EMSY: variants seen among roughly 807,000 people sequenced by gnomAD.
The protein encoded by EMSY is BRCA2-interacting transcriptional repressor EMSY.
In EMSY, 26 loss-of-function variants were observed where a neutral mutation model predicts 134.6. That is an observed-to-expected ratio of 0.19 (90% CI 0.14 to 0.27). EMSY has a LOEUF of 0.27. Ranked by LOEUF, EMSY falls within the 10% of genes least tolerant of loss-of-function variation. The pLI, the probability that EMSY is intolerant of heterozygous loss-of-function variation, is 1.00. For synonymous variants in EMSY, 579 were observed against 577.8 expected (o/e 1.00, Z -0.03); for missense variants, 1,305 against 1,611.4 (o/e 0.81, Z 3.26).
At chr11:76,524,866 T>A (rs1018016560) in intron 12 of EMSY, among the ~76,000 whole-genome samples, 56 of 152,218 alleles carry the variant, frequency 3.7e-4, no homozygotes, top group African/African-American at 1.3e-3. Flanking sequence ...TCTACAAAAT[T>A]ACAAAAATTA....
intron 9 of EMSY, among the ~76,000 whole-genome samples, chr11:76,507,835 G>T (rs553256470): frequency 1.1e-5 from 1 of 94,012 alleles, no homozygotes; most frequent in South Asian, 4.9e-4. Flanking sequence ...CTTACAAAAT[G>T]CATTTTTTTT....
At chr11:76,459,814 G>T in intron 5 of EMSY, 119 bp from the exon 7 acceptor site, 1 of 1,108,680 alleles carries the variant, frequency 9.0e-7, no homozygotes, top group Non-Finnish European at 1.3e-6. Context: ...ACCTAGTACT[G>T]GCCTCTGACT....
At chr11:76,449,273 G>A (rs1197113979) in intron 2 of EMSY, among the ~76,000 whole-genome samples, 1 of 152,106 alleles carries the variant, frequency 6.6e-6, no homozygotes, top group African/African-American at 2.4e-5. Context: ...AAGGAGGTTG[G>A]GAAGCTAATA....
At chr11:76,496,340 T>C in exon 9 of EMSY, 1 of 1,614,162 alleles carries the variant, frequency 6.2e-7, no homozygotes, top group Non-Finnish European at 8.5e-7. Context: ...TAAGCAGCAG[T>C]TATATCAAGT....
At chr11:76,477,400 T>G (rs1222295307) in intron 8 of EMSY, among the ~76,000 whole-genome samples, 2 of 151,904 alleles carry the variant, frequency 1.3e-5, no homozygotes, top group South Asian at 4.1e-4. Context: ...AGGTATGTTC[T>G]GAGAAGTCTG....
At chr11:76,446,153 T>C (rs1947380631) in intron 1 of EMSY, among the ~76,000 whole-genome samples, 1 of 152,022 alleles carries the variant, frequency 6.6e-6, no homozygotes, top group Non-Finnish European at 1.5e-5. Flanking sequence ...GCTAAGCAGG[T>C]ATTGCGCGTG....
chr11:76,539,705 G>A (rs1010095823), intron 17 of EMSY, 65 bp downstream of exon 18: 45 of 1,463,790 alleles, frequency 3.1e-5, no homozygotes, highest in South Asian at 1.7e-4. Context: ...GGGGGGAACC[G>A]CTTAAATGGA....
In EMSY at chr11:76,541,716, T is replaced by G. The variant is rs1362600171; in HGVS notation, c.2558-500T>G. ...TGTAAGGTTGTGAGACAGAATCACT[T>G]AATACAAAGGAGTGAATGCTACTAA... On this transcript the variant is annotated intron_variant, in intron 17 of 20. Coordinates refer to ENST00000334736, the Ensembl canonical transcript of EMSY. Among the ~76,000 whole-genome samples the G allele has an allele frequency of 9.8e-5, 15 of 152,352 alleles. 1 individual carries two copies. The highest frequency in any genetic ancestry group is 1.9e-4 in the Non-Finnish European group (13 of 68,032).
At chr11:76,503,496 G>T (rs749337152) in intron 9 of EMSY, among the ~76,000 whole-genome samples, 3 of 152,044 alleles carry the variant, frequency 2.0e-5, no homozygotes, top group Non-Finnish European at 4.4e-5. Context: ...AAGATGCCAA[G>T]ATCATTCAAT....
At chr11:76,532,703 G>A (rs1951088205) in intron 14 of EMSY, among the ~76,000 whole-genome samples, 2 of 152,102 alleles carry the variant, frequency 1.3e-5, no homozygotes, top group South Asian at 4.1e-4. Context: ...AAGTGAAGTG[G>A]AAGAAAACAA....
intron 8 of EMSY, among the ~76,000 whole-genome samples, chr11:76,482,358 A>G (rs1454318360): frequency 6.6e-6 from 1 of 152,200 alleles, no homozygotes; most frequent in African/African-American, 2.4e-5. Context: ...AAAGGATCAT[A>G]ACTCCTTGCC....
intron 9 of EMSY, among the ~76,000 whole-genome samples, chr11:76,505,671 C>G (rs894334307): frequency 1.3e-5 from 2 of 151,422 alleles, no homozygotes; most frequent in African/African-American, 4.9e-5. Context: ...TCCTGGCTAA[C>G]ACGGTGAAAC....
rs540615311 is a variant in EMSY at position 76,481,313 on chromosome 11, T to G, written c.1108+8473T>G. On this transcript the variant is annotated intron_variant, in intron 8 of 20. Transcript: ENST00000334736. ...CCACCTTGGCCTTCCAAAGTGCTGG[T>G]ATTACAGGCATGAGCCACCACGCCC... is the stretch of plus-strand genomic sequence containing the variant. Among the ~76,000 whole-genome samples the G allele has an allele frequency of 2.6e-5, 4 of 152,100 alleles. No homozygotes were observed. The South Asian group carries it at 6.2e-4, about 24-fold the overall frequency.
intron 20 of EMSY, among the ~76,000 whole-genome samples, chr11:76,549,356 A>G (rs1245534022): frequency 1.3e-5 from 2 of 152,164 alleles, no homozygotes; most frequent in African/African-American, 4.8e-5. Flanking sequence ...ATGAACTGAT[A>G]AACCTTTTTA....
intron 3 of EMSY, among the ~76,000 whole-genome samples, chr11:76,453,080 C>T (rs2134861954): frequency 6.6e-6 from 1 of 152,240 alleles, no homozygotes; most frequent in Non-Finnish European, 1.5e-5. Context: ...AATTTGTCTT[C>T]TTATGATTTC....
intron 6 of EMSY, among the ~76,000 whole-genome samples, chr11:76,462,235 T>G (rs1948152458): frequency 6.6e-6 from 1 of 152,154 alleles, no homozygotes; most frequent in Non-Finnish European, 1.5e-5. Flanking sequence ...TGAGACTCCA[T>G]CTCATAAATA....
intron 11 of EMSY, among the ~76,000 whole-genome samples, chr11:76,521,560 CA>C (rs1423363596): frequency 6.6e-6 from 1 of 151,794 alleles, no homozygotes; most frequent in Non-Finnish European, 1.5e-5. Flanking sequence ...GCCAGGAGTT[CA>C]AGACCAACCT....
intron 11 of EMSY, among the ~76,000 whole-genome samples, chr11:76,521,197 C>T (rs1950625296): frequency 6.6e-6 from 1 of 152,012 alleles, no homozygotes; most frequent in African/African-American, 2.4e-5. Context: ...ATGGTGTGTA[C>T]TCTGGAGTAC....
chr11:76,514,696 A>G (rs1364600726), intron 10 of EMSY, among the ~76,000 whole-genome samples: 1 of 152,116 alleles, frequency 6.6e-6, no homozygotes, highest in Non-Finnish European at 1.5e-5. Flanking sequence ...TATCTCCAAA[A>G]CGTTTTCATC....
Sources: gnomAD v4.1 joint callset for allele counts (sites outside exome capture counted in the v4.1 genomes callset) on GRCh38, gnomAD v4.1.1 for gene constraint, MANE v1.5 for transcripts, NCBI Gene and HGNC (gene_info 2026-07-23, HGNC 2026-07-21) for gene names.